The following SLC22A15 variants were observed in gnomAD, a reference collection of about 807,000 sequenced individuals.
SLC22A15 encodes flipt 1.
A neutral mutation model predicts 62.7 loss-of-function variants in SLC22A15; 45 were observed. The ratio of observed to expected loss-of-function variants is 0.72; its 90% CI spans 0.56 to 0.92. The LOEUF (loss-of-function observed/expected upper bound fraction) is 0.92. Among genes scored for constraint, SLC22A15 ranks in the 40% least tolerant of loss-of-function variants. The probability of loss-of-function intolerance (pLI) is 0.00; values close to 1 mark genes in which losing one functional copy is unlikely to be tolerated. For missense variants in SLC22A15, 622 were observed against 665.6 expected, an observed-to-expected ratio of 0.93 and a Z score of 0.72; for synonymous variants, 264 against 267.0, an observed-to-expected ratio of 0.99 and a Z score of 0.11.
At chr1:115,978,372 G>A (rs1269520703) in intron 1 of SLC22A15, among the ~76,000 whole-genome samples, 2 of 152,118 alleles carry the variant, frequency 1.3e-5, no homozygotes, top group Non-Finnish European at 2.9e-5. Context: ...GGTTGACCCA[G>A]TTAGTTAGAG....
rs1557897412 is a variant in SLC22A15 at position 116,031,490 on chromosome 1, GC to G, written c.855del (p.Asn286ThrfsTer20). 6.2e-7 allele frequency: 1 copy of G among 1,613,954 alleles called. No homozygotes were observed. Among genetic ancestry groups the G allele is most frequent in the Non-Finnish European group, 8.5e-7 (1 of 1,179,866 alleles). ...LKCTFSLTHP[A>X]NRSCRETGSF... ...GTGCACGTTCTCACTAACACACCCA[GC>G]CAACAGGAGCTGCAGGGAGACTGGA... is the stretch of plus-strand genomic sequence containing the variant. On this transcript the variant is annotated frameshift_variant, in exon 6 of 12. Coordinates refer to ENST00000369503, the MANE Select transcript of SLC22A15 (RefSeq NM_018420.3). LOFTEE classifies it high-confidence loss of function.
chr1:116,023,588 A>T (rs967922269), intron 4 of SLC22A15, among the ~76,000 whole-genome samples: 3 of 152,192 alleles, frequency 2.0e-5, no homozygotes, highest in Non-Finnish European at 4.4e-5. Flanking sequence ...TTTTTTAGAT[A>T]AAAAGGTGGA....
At chr1:116,065,849 G>T (rs1265387113) in intron 10 of SLC22A15, among the ~76,000 whole-genome samples, 1 of 152,140 alleles carries the variant, frequency 6.6e-6, no homozygotes, top group Non-Finnish European at 1.5e-5. Flanking sequence ...CACCCTGGAA[G>T]CAACTGTTTT....
At chr1:115,992,292 C>A in intron 2 of SLC22A15, 49 bp downstream of exon 2, 1 of 1,402,058 alleles carries the variant, frequency 7.1e-7, no homozygotes, top group Non-Finnish European at 9.9e-7. Context: ...TCTTTGTCCA[C>A]ATAGAGCTAC....
At chr1:116,023,866 G>A (rs756928633) in intron 4 of SLC22A15, among the ~76,000 whole-genome samples, 16 of 152,126 alleles carry the variant, frequency 1.1e-4, no homozygotes, top group Non-Finnish European at 1.8e-4. Flanking sequence ...CTAGCTAGAT[G>A]GAATGGCAAA....
At chr1:115,986,248 GTATTTGATAGACTATACA>G in intron 1 of SLC22A15, among the ~76,000 whole-genome samples, 1 of 151,876 alleles carries the variant, frequency 6.6e-6, no homozygotes, top group Non-Finnish European at 1.5e-5. Context: ...GTTAAAAAAT[GTATTTGATAGACTATACA>G]TATTTGATAT....
At chr1:116,053,181 A>G (rs1400539172) in intron 8 of SLC22A15, among the ~76,000 whole-genome samples, 1 of 152,232 alleles carries the variant, frequency 6.6e-6, no homozygotes, top group East Asian at 1.9e-4. Context: ...ATTTATAACT[A>G]GAATAACCAA....
chr1:115,977,774 T>C (rs1022750653), intron 1 of SLC22A15, among the ~76,000 whole-genome samples: 1 of 152,224 alleles, frequency 6.6e-6, no homozygotes, highest in African/African-American at 2.4e-5. Flanking sequence ...AGAGTGGTCA[T>C]GGATATAGCC....
In SLC22A15 at chr1:116,062,821, A is replaced by T. The variant is rs756763041; in HGVS notation, c.1231A>T (p.Ile411Phe). The change falls in exon 9 of 12, where the codon ATC becomes TTC. Residue 411 changes from isoleucine to phenylalanine, a missense_variant. By Grantham distance (21) the Ile-to-Phe change is conservative. Transcript: ENST00000369503. ...CTTGTCCTTGCTGGGGAAGCTGACC[A>T]TCAGTGCTGCCTTTAACATTGTTTA... ...HSLSLLGKLT[I>F]SAAFNIVYIY... The T allele has an allele frequency of 6.8e-6, 11 of 1,613,722 alleles. No individual in the cohort carries two copies. The highest frequency in any genetic ancestry group is 7.6e-6 in the Non-Finnish European group (9 of 1,179,828).
At position 116,046,068 on chromosome 1, in the gene SLC22A15, C is replaced by T. The variant is rs562288597; in HGVS notation, c.1171+8680C>T. 1.2e-4 allele frequency among the ~76,000 whole-genome samples: 18 copies of T among 152,206 alleles called. No individual in the cohort carries two copies. The East Asian group carries it at 3.5e-3, about 29-fold the overall frequency. On this transcript the variant is annotated intron_variant, in intron 8 of 11. Coordinates refer to ENST00000369503, the MANE Select transcript of SLC22A15 (RefSeq NM_018420.3). ...CCATATACAAAAAATATAACTTCAA[C>T]CTGTAAATCACATTATATGCAGTAA...
chr1:116,052,653 C>T (rs1165413147), intron 8 of SLC22A15, among the ~76,000 whole-genome samples: 2 of 152,228 alleles, frequency 1.3e-5, no homozygotes, highest in Non-Finnish European at 2.9e-5. Flanking sequence ...TGGGAGGCAC[C>T]TCCCAGTGGG....
At chr1:116,021,301 TCTC>T (rs1464004845) in intron 4 of SLC22A15, among the ~76,000 whole-genome samples, 5 of 152,254 alleles carry the variant, frequency 3.3e-5, no homozygotes, top group African/African-American at 1.2e-4. Context: ...TTTTTACTGC[TCTC>T]AAGTCAACAT....
At chr1:116,020,496 C>T (rs1656770111) in intron 3 of SLC22A15, among the ~76,000 whole-genome samples, 1 of 150,556 alleles carries the variant, frequency 6.6e-6, no homozygotes, top group Non-Finnish European at 1.5e-5. Context: ...GCGGAGCTTG[C>T]AGCGAGCCGA....
At chr1:116,054,812 C>T (rs1237389914) in intron 8 of SLC22A15, among the ~76,000 whole-genome samples, 1 of 152,038 alleles carries the variant, frequency 6.6e-6, no homozygotes, top group Admixed American at 6.6e-5. Context: ...CTACTGGGTA[C>T]ATAACGAAAT....
intron 2 of SLC22A15, among the ~76,000 whole-genome samples, chr1:116,000,625 C>CTTTTTTTTTTTTT (rs56303802): frequency 2.3e-5 from 2 of 88,212 alleles, no homozygotes; most frequent in East Asian, 3.7e-4. Context: ...CTTTTTTTTC[C>CTTTTTTTTTTTTT]TTTTTTTTTT....
chr1:116,000,214 G>A (rs1266047565), intron 2 of SLC22A15, among the ~76,000 whole-genome samples: 1 of 151,772 alleles, frequency 6.6e-6, no homozygotes, highest in Non-Finnish European at 1.5e-5. Flanking sequence ...ATTTTCTCTG[G>A]TGGTATATTT....
chr1:116,031,440 T>C lies in SLC22A15; in HGVS notation c.803T>C (p.Ile268Thr), dbSNP rs1223805181. ...LSEAEEALYL[I>T]AKRNRKLKCT... Reference sequence around the variant, plus strand: ...GAGGCTGAAGAGGCGCTGTACCTCATTGCCAAGAGGAACCGCAAACTCAAG... The same window carrying C: ...GAGGCTGAAGAGGCGCTGTACCTCACTGCCAAGAGGAACCGCAAACTCAAG... The change falls in exon 6 of 12, where the codon ATT becomes ACT. Residue 268 changes from isoleucine to threonine, a missense_variant. Physicochemically the swap from Ile to Thr is moderately conservative, Grantham distance 89. Transcript: ENST00000369503. 4 of 1,613,946 alleles carry C rather than the reference T, an allele frequency of 2.5e-6. No homozygotes were observed. Among genetic ancestry groups the C allele is most frequent in the South Asian group, 1.1e-5 (1 of 91,078 alleles).
At position 115,992,150 on chromosome 1, in the gene SLC22A15, C is replaced by A; in HGVS notation, c.207C>A (p.Asp69Glu). 1 of 1,613,438 alleles carries A rather than the reference C, an allele frequency of 6.2e-7. No individual in the cohort carries two copies. Among genetic ancestry groups the A allele is most frequent in the Non-Finnish European group, 8.5e-7 (1 of 1,179,660 alleles). ...ACGGTAACCAGTCAGCTGGTGAAGA[C>A]CAGGCCTTTGGGGACTGGCTCCTGA... is the stretch of plus-strand genomic sequence containing the variant. Reference protein sequence around the residue: ...QSHGNQSAGEDQAFGDWLLTA... With the variant: ...QSHGNQSAGEEQAFGDWLLTA... Residue 69 changes from aspartate to glutamate, a missense_variant, in exon 2 of 12, where the codon GAC becomes GAA. By Grantham distance (45) the Asp-to-Glu change is conservative. Transcript: ENST00000369503.
At chr1:115,991,700 T>C (rs1655147508) in intron 1 of SLC22A15, among the ~76,000 whole-genome samples, 1 of 152,190 alleles carries the variant, frequency 6.6e-6, no homozygotes, top group Admixed American at 6.5e-5. Flanking sequence ...TCAGAGCAAA[T>C]AATGTTTTCC....
Sources: gnomAD v4.1 joint callset for allele counts (sites outside exome capture counted in the v4.1 genomes callset) on GRCh38, gnomAD v4.1.1 for gene constraint, MANE v1.5 for transcripts, NCBI Gene and HGNC (gene_info 2026-07-23, HGNC 2026-07-21) for gene names.